Variants in GOLPH3L observed in about 807,000 individuals in gnomAD.
GOLPH3L encodes the protein Golgi phosphoprotein 3-like.
In GOLPH3L, 22 loss-of-function variants were observed where a neutral mutation model predicts 30.3. The ratio of observed to expected loss-of-function variants is 0.73; its 90% confidence interval spans 0.52 to 1.04. GOLPH3L has a LOEUF of 1.04. Ranked by LOEUF, GOLPH3L falls within the 50% of genes least tolerant of loss-of-function variation. The probability of loss-of-function intolerance (pLI) is 0.00; values close to 1 mark genes in which losing one functional copy is unlikely to be tolerated. For missense variants in GOLPH3L, 303 were observed against 345.8 expected (o/e 0.88, Z 0.98); for synonymous variants, 120 against 128.2 (o/e 0.94, Z 0.43).
intron 4 of GOLPH3L, among the ~76,000 whole-genome samples, chr1:150,650,825 T>G (rs1454328723): frequency 6.6e-6 from 1 of 152,104 alleles, no homozygotes; most frequent in Non-Finnish European, 1.5e-5. Flanking sequence ...CAAAAAAGTA[T>G]GAAGTATACA....
Position 150,648,676 on chromosome 1 carries a change from A to G in GOLPH3L, c.503T>C (p.Val168Ala), listed in dbSNP as rs367645623. The G allele has an allele frequency of 6.8e-6, 11 of 1,612,186 alleles. No homozygotes were observed. Among genetic ancestry groups the G allele is most frequent in the Admixed American group, 1.7e-5 (1 of 59,974 alleles). ...CTCAGTGGTTAGAATACCTTTCTCT[A>G]CTAGGTTCTTTGCGATGCGCTCTCG... is the stretch of plus-strand genomic sequence containing the variant. Reference protein sequence around the residue: ...NVRERIAKNLVEKGILTTEKQ... With the variant: ...NVRERIAKNLAEKGILTTEKQ... Residue 168 changes from valine (V) to alanine (A), a missense_variant, in exon 5 of 5, where the codon GTA becomes GCA. Transcript: ENST00000271732.
chr1:150,665,501 A>C (rs1650479279), intron 2 of GOLPH3L, among the ~76,000 whole-genome samples: 1 of 152,048 alleles, frequency 6.6e-6, no homozygotes. Flanking sequence ...TATAATAACT[A>C]TTTAAAAAAT....
At chr1:150,688,695 G>T (rs587699776) in intron 2 of GOLPH3L, among the ~76,000 whole-genome samples, 2 of 152,274 alleles carry the variant, frequency 1.3e-5, no homozygotes, top group South Asian at 4.1e-4. Context: ...AGGTTGCAGT[G>T]AGCCAAGATC....
intron 4 of GOLPH3L, among the ~76,000 whole-genome samples, chr1:150,658,083 C>T (rs1178633974): frequency 6.6e-6 from 1 of 152,238 alleles, no homozygotes; most frequent in Non-Finnish European, 1.5e-5. Flanking sequence ...ATCAAGACAT[C>T]TGAAACCTTA....
chr1:150,648,066 G>T lies in GOLPH3L; in HGVS notation c.*255C>A. The T allele has an allele frequency of 2.6e-6, 1 of 386,378 alleles. No individual in the cohort carries two copies. The highest frequency in any genetic ancestry group is 4.6e-6 in the Non-Finnish European group (1 of 217,314). 23.9% of individuals were successfully genotyped at this position (386,378 alleles called of 1,614,324 possible). On this transcript the variant is annotated 3_prime_UTR_variant, in exon 5 of 5. Transcript: ENST00000271732. ...TGGGTGAAACTAAACCACCAAATGG[G>T]AGAAAATGTTCATTGGGTGTGTGTG...
intron 4 of GOLPH3L, among the ~76,000 whole-genome samples, chr1:150,660,348 G>T (rs1381072711): frequency 5.9e-5 from 9 of 152,104 alleles, no homozygotes; most frequent in African/African-American, 1.9e-4. Flanking sequence ...ATATAAAATG[G>T]TGCAGTCTCT....
intron 3 of GOLPH3L, among the ~76,000 whole-genome samples, chr1:150,662,934 C>A (rs963106503): frequency 3.3e-5 from 5 of 152,058 alleles, no homozygotes; most frequent in Non-Finnish European, 5.9e-5. Context: ...AAAGGACTTG[C>A]AGTAAATGGA....
chr1:150,679,534 C>T (rs587646658), intron 2 of GOLPH3L, among the ~76,000 whole-genome samples: 88 of 152,238 alleles, frequency 5.8e-4, no homozygotes, highest in African/African-American at 2.1e-3. Flanking sequence ...CGCAATGGCT[C>T]GCACCTGCAA....
At position 150,646,434 on chromosome 1, in the gene GOLPH3L, T is replaced by TG. The variant is rs1342443841; in HGVS notation, c.*1886dup. 2 of 152,214 alleles carry TG rather than the reference T, an allele frequency of 1.3e-5. No individual in the cohort carries two copies. Among genetic ancestry groups the TG allele is most frequent in the African/African-American group, 2.4e-5 (1 of 41,462 alleles). 9.4% of individuals were successfully genotyped at this position (152,214 alleles called of 1,614,324 possible). On this transcript the variant is annotated 3_prime_UTR_variant, in exon 5 of 5. Transcript: ENST00000271732. The stretch of plus-strand genomic sequence containing the variant: ...AGCTATAACTTTCCACAGGAAAACC[T>TG]GGTTTCAATTCATGCCGAATTGTTC...
intron 2 of GOLPH3L, among the ~76,000 whole-genome samples, chr1:150,688,464 C>A (rs1651140903): frequency 1.3e-5 from 2 of 152,246 alleles, no homozygotes; most frequent in South Asian, 4.1e-4. Flanking sequence ...AGAGTTATTA[C>A]CTCCTGGCGG....
intron 2 of GOLPH3L, 102 bp from the exon 3 acceptor site, chr1:150,663,865 T>A: frequency 1.2e-6 from 1 of 866,222 alleles, no homozygotes; most frequent in Non-Finnish European, 1.9e-6. Context: ...TCGTTTCACA[T>A]CATACTACAT....
rs979737991 is a variant in GOLPH3L, at chr1:150,694,747, T to C, written c.92A>G (p.Lys31Arg). The C allele has an allele frequency of 1.2e-5, 20 of 1,610,940 alleles. No homozygotes were observed. The highest frequency in any genetic ancestry group is 2.7e-5 in the African/African-American group (2 of 74,952). Residue 31 changes from lysine to arginine, a missense_variant, in exon 2 of 5, where the codon AAA (lysine) becomes AGA (arginine). Coordinates refer to ENST00000271732, the MANE Select transcript of GOLPH3L (RefSeq NM_018178.6). ...MESEEDSNWE[K>R]SPDNEDSGDS... ...TCCAGAATCTTCATTGTCTGGACTTTTCTCCCAATTACTGTCTTCCTCACT... is the reference window on the plus strand; with the variant it reads ...TCCAGAATCTTCATTGTCTGGACTTCTCTCCCAATTACTGTCTTCCTCACT...
chr1:150,665,769 A>G (rs966210678), intron 2 of GOLPH3L, among the ~76,000 whole-genome samples: 7 of 152,032 alleles, frequency 4.6e-5, no homozygotes, highest in African/African-American at 1.7e-4. Context: ...TTCTTTGCTC[A>G]CCGTTCCTTC....
At chr1:150,689,066 T>A (rs186354828) in intron 2 of GOLPH3L, among the ~76,000 whole-genome samples, 3 of 152,362 alleles carry the variant, frequency 2.0e-5, no homozygotes, top group African/African-American at 7.2e-5. Context: ...TTTTTGGTGA[T>A]TAAACAAATA....
rs3768009 is a variant in GOLPH3L, at chr1:150,646,331, T to A, written c.*1990A>T. 2 of 152,312 alleles carry A rather than the reference T, an allele frequency of 1.3e-5. No individual in the cohort carries two copies. Among genetic ancestry groups the A allele is most frequent in the South Asian group, 2.1e-4 (1 of 4,832 alleles). The allele number at this position is 152,312 out of a possible 1,614,324, so 9.4% of individuals were successfully genotyped here. ...ATTATGCAGATTCAAACTGAAGGTA[T>A]CCTCGTCTTACTGAGATATAAAAAT... is the stretch of plus-strand genomic sequence containing the variant. On this transcript the variant is annotated 3_prime_UTR_variant, in exon 5 of 5. Transcript: ENST00000271732.
At chr1:150,656,235 T>C (rs1342720523) in intron 4 of GOLPH3L, among the ~76,000 whole-genome samples, 2 of 152,212 alleles carry the variant, frequency 1.3e-5, no homozygotes, top group Non-Finnish European at 2.9e-5. Context: ...AAATTCAGAC[T>C]ACTACACCTT....
chr1:150,671,320 A>G (rs1403411640), intron 2 of GOLPH3L, among the ~76,000 whole-genome samples: 1 of 152,168 alleles, frequency 6.6e-6, no homozygotes, highest in Non-Finnish European at 1.5e-5. Flanking sequence ...ATTCTGGGTC[A>G]AATATTACAC....
At chr1:150,663,805 G>A in intron 2 of GOLPH3L, 42 bp from the exon 3 acceptor site, 1 of 1,587,580 alleles carries the variant, frequency 6.3e-7, no homozygotes, top group Non-Finnish European at 8.6e-7. Context: ...GTTTTGAGAG[G>A]AATACTGACT....
At chr1:150,667,999 G>A (rs11807058) in intron 2 of GOLPH3L, among the ~76,000 whole-genome samples, 58,516 of 151,808 alleles carry the variant, frequency 0.39, 11,591 homozygotes, top group South Asian at 0.55. Flanking sequence ...GTAGTTAAGC[G>A]TTAAGTACAG....
Sources: allele counts gnomAD v4.1 joint callset (sites outside exome capture counted in the v4.1 genomes callset), GRCh38; gene constraint gnomAD v4.1.1; transcripts MANE v1.5; gene names NCBI Gene and HGNC (gene_info 2026-07-23, HGNC 2026-07-21).